The following AGBL1 variants were observed in gnomAD, a reference collection of about 807,000 sequenced individuals.
AGBL1 encodes the protein cytosolic carboxypeptidase 4.
Under a neutral mutation model 118.9 loss-of-function variants are expected in AGBL1, and 130 were observed. That is an observed-to-expected ratio of 1.09 (90% confidence interval 0.95 to 1.26). The LOEUF (loss-of-function observed/expected upper bound fraction) is 1.26. Ranked by LOEUF, AGBL1 falls within the 50% of genes most tolerant of loss-of-function variation. AGBL1 has a pLI of 0.00. For missense variants in AGBL1, 1,584 were observed against 1,298.1 expected (o/e 1.22, Z -3.38); for synonymous variants, 555 against 478.9 (o/e 1.16, Z -2.08).
intron 21 of AGBL1, among the ~76,000 whole-genome samples, chr15:86,654,121 A>G (rs1187605434): frequency 1.3e-5 from 2 of 152,142 alleles, no homozygotes; most frequent in Non-Finnish European, 2.9e-5. Context: ...ATTCTGAGCC[A>G]CAAACTCAGA....
At position 86,665,289 on chromosome 15, in the gene AGBL1, C is replaced by T. The variant is rs28584142; in HGVS notation, c.2995-8984C>T. On this transcript the variant is annotated intron_variant, in intron 21 of 22. Transcript: ENST00000614907. ...TAATTTCTGAAATTTGTATTGTTAA[C>T]GCCAAGAGTTTAATTAAACACTATT... Among the ~76,000 whole-genome samples, 716 of 152,084 alleles carry T rather than the reference C, an allele frequency of 4.7e-3. 9 individuals are homozygous for T. The highest frequency in any genetic ancestry group is 0.016 in the African/African-American group (671 of 41,470).
chr15:86,156,216 C>G (rs1046555523), intron 4 of AGBL1, among the ~76,000 whole-genome samples: 7 of 152,240 alleles, frequency 4.6e-5, no homozygotes, highest in African/African-American at 1.7e-4. Flanking sequence ...CCACCATGCC[C>G]TTTTTTTCTC....
At chr15:86,448,529 C>G (rs544348578) in intron 18 of AGBL1, among the ~76,000 whole-genome samples, 6 of 152,318 alleles carry the variant, frequency 3.9e-5, no homozygotes, top group Admixed American at 2.6e-4. Flanking sequence ...AGGAACAACA[C>G]TTCGGATTTT....
intron 22 of AGBL1, among the ~76,000 whole-genome samples, chr15:86,715,138 T>C (rs898354518): frequency 6.6e-6 from 1 of 152,186 alleles, no homozygotes; most frequent in Non-Finnish European, 1.5e-5. Flanking sequence ...GCAACTTCAC[T>C]GATTTAAGCC....
chr15:86,174,382 G>T (rs749329225), intron 5 of AGBL1, among the ~76,000 whole-genome samples: 3 of 151,888 alleles, frequency 2.0e-5, no homozygotes, highest in Admixed American at 2.0e-4. Context: ...ATAAGATCAC[G>T]TTATATAAAA....
intron 5 of AGBL1, among the ~76,000 whole-genome samples, chr15:86,172,905 GT>G (rs921156700): frequency 1.3e-5 from 2 of 151,450 alleles, no homozygotes; most frequent in East Asian, 1.9e-4. Flanking sequence ...CCTATTTTTA[GT>G]TTTTTTTCAA....
chr15:86,247,722 G>A lies in AGBL1; in HGVS notation c.578G>A (p.Gly193Glu). ...CGAGGCTACGTCACCAGCCTGCTCGGGCTGCACCAGGACTGGCACAGCCAT... is the reference window on the plus strand; with the variant it reads ...CGAGGCTACGTCACCAGCCTGCTCGAGCTGCACCAGGACTGGCACAGCCAT... ...VNRGYVTSLL[G>E]LHQDWHSHDT... Residue 193 changes from glycine to glutamate, a missense_variant, in exon 7 of 23, where the codon GGG becomes GAG. Transcript: ENST00000614907. 3.1e-6 allele frequency: 5 copies of A among 1,613,500 alleles called. No individual in the cohort carries two copies. The highest frequency in any genetic ancestry group is 4.2e-6 in the Non-Finnish European group (5 of 1,179,716).
chr15:86,313,270 G>A (rs74607274), intron 17 of AGBL1, among the ~76,000 whole-genome samples: 1,540 of 152,060 alleles, frequency 0.01, 31 homozygotes, highest in African/African-American at 0.033. Context: ...TCTTTGTTTA[G>A]GTATATAATG....
At chr15:86,337,272 C>T (rs75728882) in intron 17 of AGBL1, among the ~76,000 whole-genome samples, 3,372 of 152,136 alleles carry the variant, frequency 0.022, 108 homozygotes, top group African/African-American at 0.069. Flanking sequence ...CCTAGTCACT[C>T]ATGTTGTGCA....
At position 86,499,576 on chromosome 15, in the gene AGBL1, T is replaced by C. The variant is rs913952436; in HGVS notation, c.2556-23234T>C. On this transcript the variant is annotated intron_variant, in intron 18 of 22. Transcript: ENST00000614907. ...TGCTGATTCAGTCTGAAAGGAGGAT[T>C]GTACATTGACTTGAGGTTATTTATC... Among the ~76,000 whole-genome samples the C allele has an allele frequency of 3.9e-5, 6 of 151,992 alleles. 1 individual carries two copies. Among genetic ancestry groups the C allele is most frequent in the Admixed American group, 1.3e-4 (2 of 15,226 alleles).
chr15:86,415,799 C>T (rs2081685298), intron 18 of AGBL1, among the ~76,000 whole-genome samples: 1 of 152,080 alleles, frequency 6.6e-6, no homozygotes, highest in African/African-American at 2.4e-5. Flanking sequence ...CTTCTGAGAC[C>T]ACTTTGGATC....
chr15:86,847,131 C>G (rs1177198093), intron 22 of AGBL1, among the ~76,000 whole-genome samples: 2 of 151,984 alleles, frequency 1.3e-5, no homozygotes, highest in Non-Finnish European at 2.9e-5. Flanking sequence ...TTCATAATTT[C>G]TATTGCTTCA....
chr15:86,915,826 T>G lies in AGBL1; in HGVS notation c.*8532T>G, dbSNP rs2080415459. On this transcript the variant is annotated 3_prime_UTR_variant, in exon 23 of 23. Transcript: ENST00000614907. ...TCTCCTGAGAATGACCTCCTACCCG[T>G]TGCCTCAGTAACCTCTTACGCATGG... 1 of 152,206 alleles carries G rather than the reference T, an allele frequency of 6.6e-6. No homozygotes were observed. The highest frequency in any genetic ancestry group is 1.5e-5 in the Non-Finnish European group (1 of 68,050). The allele number at this position is 152,206 out of a possible 1,614,324, so 9.4% of individuals were successfully genotyped here.
chr15:87,016,041 A>C (rs1360319436), intron 24 of AGBL1, among the ~76,000 whole-genome samples: 3 of 152,194 alleles, frequency 2.0e-5, no homozygotes, highest in Non-Finnish European at 4.4e-5. Context: ...TTTATTGCTT[A>C]ACCAAGTCTG....
At chr15:86,644,764 G>A (rs1053825381) in intron 21 of AGBL1, among the ~76,000 whole-genome samples, 1 of 150,402 alleles carries the variant, frequency 6.6e-6, no homozygotes, top group East Asian at 2.0e-4. Flanking sequence ...CCAGCACTTT[G>A]AGAGGTCAAG....
intron 23 of AGBL1, among the ~76,000 whole-genome samples, chr15:86,976,827 T>C (rs930792961): frequency 6.6e-6 from 1 of 152,024 alleles, no homozygotes; most frequent in Admixed American, 6.6e-5. Flanking sequence ...TATACGCATA[T>C]TCACCATTTC....
At chr15:86,851,266 C>G (rs888266023) in intron 22 of AGBL1, among the ~76,000 whole-genome samples, 6 of 152,172 alleles carry the variant, frequency 3.9e-5, no homozygotes, top group Admixed American at 1.3e-4. Context: ...TTCTCTGATT[C>G]CTGAGACTAT....
chr15:86,192,640 A>G (rs1300407409), intron 5 of AGBL1, among the ~76,000 whole-genome samples: 2 of 152,212 alleles, frequency 1.3e-5, no homozygotes, highest in Non-Finnish European at 2.9e-5. Flanking sequence ...ATGCATGGGT[A>G]TTTGTGACAA....
chr15:86,117,715 C>T (rs778268140), intron 1 of AGBL1, among the ~76,000 whole-genome samples: 14 of 152,112 alleles, frequency 9.2e-5, no homozygotes, highest in Admixed American at 6.6e-4. Context: ...AAATGGGACA[C>T]GTCATCCTTC....
Sources: gnomAD v4.1 joint callset for allele counts (sites outside exome capture counted in the v4.1 genomes callset) on GRCh38, gnomAD v4.1.1 for gene constraint, MANE v1.5 for transcripts, NCBI Gene and HGNC (gene_info 2026-07-23, HGNC 2026-07-21) for gene names.